Variants in NRG1 observed in about 807,000 individuals in gnomAD.
NRG1 encodes the protein pro-neuregulin-1, membrane-bound isoform.
In NRG1, 18 loss-of-function variants were observed where a neutral mutation model predicts 63.8. The observed-to-expected ratio is 0.28, with a 90% CI of 0.19 to 0.42. The LOEUF is 0.42. Ranked by LOEUF, NRG1 falls within the 10% of genes least tolerant of loss-of-function variation. The pLI is 1.00. For missense variants in NRG1, 762 were observed against 814.7 expected, an observed-to-expected ratio of 0.94 and a Z score of 0.79; for synonymous variants, 302 against 301.3, an observed-to-expected ratio of 1.00 and a Z score of -0.02.
At chr8:32,682,302 T>C (rs1034355035) in intron 5 of NRG1, among the ~76,000 whole-genome samples, 1 of 152,186 alleles carries the variant, frequency 6.6e-6, no homozygotes. Context: ...TTCAGCGTTT[T>C]AAGTGTCTGT....
intron 1 of NRG1, chr8:32,099,404 A>G (rs1188087485): frequency 2.6e-5 from 4 of 152,444 alleles, no homozygotes; most frequent in Non-Finnish European, 5.9e-5. Flanking sequence ...TTAGGACTTC[A>G]CAAGTGTGGC....
At chr8:32,109,598 TC>T (rs1284265468) in intron 1 of NRG1, among the ~76,000 whole-genome samples, 1 of 152,026 alleles carries the variant, frequency 6.6e-6, no homozygotes, top group African/African-American at 2.4e-5. Context: ...AGAATCACCA[TC>T]AAGTCAAACA....
At chr8:32,759,019 G>A (rs1830182658) in intron 9 of NRG1, among the ~76,000 whole-genome samples, 1 of 152,070 alleles carries the variant, frequency 6.6e-6, no homozygotes, top group Admixed American at 6.6e-5. Context: ...AGAAGAAATA[G>A]GACTTTTGCT....
intron 1 of NRG1, among the ~76,000 whole-genome samples, chr8:31,990,214 A>C (rs1293923936): frequency 6.6e-6 from 1 of 152,124 alleles, no homozygotes; most frequent in Admixed American, 6.6e-5. Context: ...TGGAGAAATT[A>C]GTAGAAACTA....
At chr8:31,685,976 G>A (rs1490973216) in intron 1 of NRG1, among the ~76,000 whole-genome samples, 1 of 152,064 alleles carries the variant, frequency 6.6e-6, no homozygotes, top group African/African-American at 2.4e-5. Context: ...AAGTTTTTGT[G>A]TGAACATATG....
At chr8:32,675,074 A>G (rs1806698979) in intron 5 of NRG1, among the ~76,000 whole-genome samples, 3 of 152,320 alleles carry the variant, frequency 2.0e-5, no homozygotes, top group Admixed American at 2.0e-4. Context: ...TGATGAGAGA[A>G]TGGCTCTCAT....
At chr8:32,748,366 G>C (rs527801248) in intron 7 of NRG1, among the ~76,000 whole-genome samples, 14,546 of 134,330 alleles carry the variant, frequency 0.11, 814 homozygotes, top group East Asian at 0.22. Flanking sequence ...CACAGAGAGA[G>C]AGAGAGAGAG....
intron 1 of NRG1, among the ~76,000 whole-genome samples, chr8:31,858,009 C>G (rs13253895): frequency 2.6e-5 from 4 of 152,284 alleles, no homozygotes; most frequent in Non-Finnish European, 5.9e-5. Flanking sequence ...CTTAAAACTA[C>G]AAGTGAAGGG....
chr8:31,701,225 T>A (rs1313391584), intron 1 of NRG1, among the ~76,000 whole-genome samples: 4 of 152,158 alleles, frequency 2.6e-5, no homozygotes, highest in Non-Finnish European at 4.4e-5. Context: ...TAATTATATG[T>A]AACGTAAAAT....
intron 1 of NRG1, among the ~76,000 whole-genome samples, chr8:32,464,343 A>C (rs1822785799): frequency 8.1e-6 from 1 of 123,870 alleles, no homozygotes; most frequent in African/African-American, 3.1e-5. Context: ...GAAACTGAGG[A>C]TAGGGATTTT....
At chr8:31,677,492 A>G (rs781045118) in intron 1 of NRG1, among the ~76,000 whole-genome samples, 1 of 152,070 alleles carries the variant, frequency 6.6e-6, no homozygotes, top group Non-Finnish European at 1.5e-5. Flanking sequence ...TCTGTTCTCT[A>G]GTAGAAAATC....
chr8:31,677,975 G>A (rs766624105), intron 1 of NRG1, among the ~76,000 whole-genome samples: 23 of 150,816 alleles, frequency 1.5e-4, no homozygotes, highest in Non-Finnish European at 2.9e-4. Flanking sequence ...TCTATGTACT[G>A]CACTTATTTT....
chr8:31,904,042 G>A (rs185938568), intron 1 of NRG1, among the ~76,000 whole-genome samples: 2 of 152,274 alleles, frequency 1.3e-5, no homozygotes, highest in East Asian at 3.9e-4. Context: ...CAAATAGTGG[G>A]CTAGTCATTT....
At chr8:32,280,689 T>C (rs1305679171) in intron 1 of NRG1, among the ~76,000 whole-genome samples, 14 of 79,704 alleles carry the variant, frequency 1.8e-4, no homozygotes, top group Middle Eastern at 7.6e-3. Flanking sequence ...GGTTTTTTTT[T>C]TGTTTTTTTT....
At chr8:31,921,218 G>A (rs944311582) in intron 1 of NRG1, among the ~76,000 whole-genome samples, 3 of 151,902 alleles carry the variant, frequency 2.0e-5, no homozygotes, top group East Asian at 1.9e-4. Flanking sequence ...TGAAAATCTC[G>A]GTATTTCCTG....
Position 32,415,101 on chromosome 8 carries a change from G to T in NRG1, c.38-180727G>T, listed in dbSNP as rs536471187. On this transcript the variant is annotated intron_variant, in intron 1 of 10. Coordinates refer to the NRG1 transcript ENST00000519301. ...TTTTCTGTAGTGTATTTCTGTGGGG[G>T]AATGTGTTCTATAGAAGGCAGGTTT... is the stretch of plus-strand genomic sequence containing the variant. Among the ~76,000 whole-genome samples the T allele has an allele frequency of 9.2e-5, 14 of 152,188 alleles. No homozygotes were observed. The South Asian group carries it at 2.7e-3, about 29-fold the overall frequency.
At chr8:31,681,051 T>C (rs1488641519) in intron 1 of NRG1, among the ~76,000 whole-genome samples, 1 of 152,064 alleles carries the variant, frequency 6.6e-6, no homozygotes, top group Non-Finnish European at 1.5e-5. Context: ...TAAAATTCTT[T>C]ATAAAGACTT....
intron 1 of NRG1, among the ~76,000 whole-genome samples, chr8:32,427,344 C>T (rs1306679333): frequency 6.6e-6 from 1 of 152,138 alleles, no homozygotes; most frequent in Non-Finnish European, 1.5e-5. Context: ...CCTCCATCTC[C>T]ACTTGGCTCT....
At chr8:32,531,760 C>T (rs544655968) in intron 1 of NRG1, among the ~76,000 whole-genome samples, 9 of 152,070 alleles carry the variant, frequency 5.9e-5, no homozygotes, top group South Asian at 2.1e-4. Flanking sequence ...AATGAGAAAG[C>T]GCAAAATAAT....
Sources: gnomAD v4.1 joint callset for allele counts (sites outside exome capture counted in the v4.1 genomes callset) on GRCh38, gnomAD v4.1.1 for gene constraint, MANE v1.5 for transcripts, NCBI Gene and HGNC (gene_info 2026-07-23, HGNC 2026-07-21) for gene names.